The following SETD2 variants were observed in gnomAD, a reference collection of about 807,000 sequenced individuals.
SETD2 encodes SET domain containing 2, histone lysine methyltransferase.
SETD2 carries 31 observed loss-of-function variants against 242.1 expected under a neutral mutation model. That is an observed-to-expected ratio of 0.13 (90% confidence interval 0.10 to 0.17). SETD2 has a LOEUF of 0.17. Among genes scored for constraint, SETD2 ranks in the 10% least tolerant of loss-of-function variants. SETD2 has a pLI of 1.00. For synonymous variants in SETD2, 1,006 were observed against 1,066.5 expected (o/e 0.94, Z 1.11); for missense variants, 2,481 against 3,046.3 (o/e 0.81, Z 4.37).
At chr3:47,074,857 C>T (rs1044937572) in intron 12 of SETD2, among the ~76,000 whole-genome samples, 2 of 152,088 alleles carry the variant, frequency 1.3e-5, no homozygotes, top group African/African-American at 2.4e-5. Context: ...TGCAGTAGGC[C>T]GGGAACGGTG....
intron 18 of SETD2, among the ~76,000 whole-genome samples, chr3:47,021,821 G>C (rs964618632): frequency 6.6e-6 from 1 of 152,096 alleles, no homozygotes; most frequent in Non-Finnish European, 1.5e-5. Context: ...AACAACCTTA[G>C]GACCCCCCAC....
At chr3:47,099,085 A>C (rs1559717801) in intron 8 of SETD2, among the ~76,000 whole-genome samples, 1 of 152,192 alleles carries the variant, frequency 6.6e-6, no homozygotes, top group Non-Finnish European at 1.5e-5. Context: ...GATTATAATC[A>C]GATCATCAGT....
intron 1 of SETD2, among the ~76,000 whole-genome samples, chr3:47,142,215 A>T (rs2043746250): frequency 6.6e-6 from 1 of 152,198 alleles, no homozygotes; most frequent in Non-Finnish European, 1.5e-5. Context: ...CTAAAAGATC[A>T]TAATAATGGG....
chr3:47,034,318 T>C (rs1015636727), intron 18 of SETD2, among the ~76,000 whole-genome samples: 13 of 152,220 alleles, frequency 8.5e-5, no homozygotes, highest in Admixed American at 7.2e-4. Flanking sequence ...ATGTTTTCTC[T>C]TTATAATCTC....
chr3:47,113,043 A>G (rs1416808275), intron 5 of SETD2, among the ~76,000 whole-genome samples: 1 of 152,214 alleles, frequency 6.6e-6, no homozygotes, highest in Non-Finnish European at 1.5e-5. Context: ...GAAATGTTTA[A>G]TGATTATCTA....
chr3:47,032,341 C>T lies in SETD2; in HGVS notation c.7350+5325G>A, dbSNP rs58918862. On this transcript the variant is annotated intron_variant, in intron 18 of 20. Transcript: ENST00000409792. Reference sequence around the variant, plus strand: ...AGCCTGGTCACCAACACCACCAGACCCTGTCTCTACAAAAATGTACAAAAC... The same window carrying T: ...AGCCTGGTCACCAACACCACCAGACTCTGTCTCTACAAAAATGTACAAAAC... Among the ~76,000 whole-genome samples the T allele has an allele frequency of 1.9e-3, 286 of 151,712 alleles. 2 individuals are homozygous for T. The highest frequency in any genetic ancestry group is 6.6e-3 in the African/African-American group (274 of 41,352).
chr3:47,152,543 C>A (rs1392808409), intron 1 of SETD2, among the ~76,000 whole-genome samples: 3 of 152,192 alleles, frequency 2.0e-5, no homozygotes, highest in East Asian at 1.9e-4. Context: ...AAACTTTAAA[C>A]CTAGCATCTT....
chr3:47,039,981 C>T (rs2039204385), intron 17 of SETD2, among the ~76,000 whole-genome samples: 1 of 151,472 alleles, frequency 6.6e-6, no homozygotes, highest in Admixed American at 6.6e-5. Flanking sequence ...TTTATAAAAG[C>T]CTTTTTGTTT....
At chr3:47,050,187 G>A (rs2039762120) in intron 15 of SETD2, among the ~76,000 whole-genome samples, 1 of 151,466 alleles carries the variant, frequency 6.6e-6, no homozygotes, top group African/African-American at 2.4e-5. Flanking sequence ...TTATGGTGAT[G>A]GATATCTCAA....
intron 18 of SETD2, among the ~76,000 whole-genome samples, chr3:47,031,412 G>A (rs1186691921): frequency 1.3e-5 from 2 of 152,148 alleles, no homozygotes; most frequent in African/African-American, 4.8e-5. Context: ...TGCCAAAACA[G>A]AACTAAAATT....
intron 3 of SETD2, among the ~76,000 whole-genome samples, chr3:47,117,268 A>AC (rs1307493728): frequency 5.7e-5 from 8 of 140,006 alleles, no homozygotes; most frequent in Admixed American, 3.6e-4. Flanking sequence ...TACCAAAAAA[A>AC]AAAAAAAAAA....
chr3:47,096,275 G>A (rs2042002852), intron 9 of SETD2, among the ~76,000 whole-genome samples: 1 of 152,124 alleles, frequency 6.6e-6, no homozygotes, highest in South Asian at 2.1e-4. Context: ...ATCTCTCTGT[G>A]CCTTAGTGTG....
chr3:47,026,832 G>T (rs144319305), intron 18 of SETD2, among the ~76,000 whole-genome samples: 195 of 152,162 alleles, frequency 1.3e-3, no homozygotes, highest in African/African-American at 4.6e-3. Context: ...GGGAGGGATG[G>T]CATTATGAGA....
rs1167488408 is a variant in SETD2 at position 47,124,662 on chromosome 3, G to A, written c.88-114C>T. The A allele has an allele frequency of 4.4e-6, 4 of 899,736 alleles. No homozygotes were observed. The Admixed American group carries it at 9.0e-5, about 20-fold the overall frequency. 55.7% of individuals were successfully genotyped at this position (899,736 alleles called of 1,614,324 possible). On this transcript the variant is annotated intron_variant, in intron 2 of 20. Transcript: ENST00000409792. ...GAAAAGCCCTTTTTAATAACAAATA[G>A]TATGAATTTCACTAAGCTATATATA... is the stretch of plus-strand genomic sequence containing the variant.
chr3:47,111,242 T>C (rs1035626464), intron 5 of SETD2, among the ~76,000 whole-genome samples: 2 of 152,062 alleles, frequency 1.3e-5, no homozygotes, highest in Admixed American at 1.3e-4. Context: ...GTATCAACAG[T>C]GTTCAAAGGA....
Position 47,123,033 on chromosome 3 carries a change from T to C in SETD2, c.1603A>G (p.Asn535Asp), listed in dbSNP as rs778603109. The part of the protein sequence containing the change: ...EAIKRCCSPP[N>D]ELGFRRGSSY... ...GACCCTCGTCGGAATCCCAGTTCAT[T>C]AGGGGGAGAACAACATCTTTTAATT... The change falls in exon 3 of 21, where the codon AAT becomes GAT. Residue 535 changes from asparagine (N) to aspartate (D), a missense_variant. Coordinates refer to ENST00000409792, the MANE Select transcript of SETD2 (RefSeq NM_014159.7). 9 of 1,613,990 alleles carry C rather than the reference T, an allele frequency of 5.6e-6. No homozygotes were observed. The Admixed American group carries it at 6.7e-5, about 12-fold the overall frequency.
chr3:47,106,223 G>T, intron 5 of SETD2, 103 bp from the exon 6 acceptor site: 2 of 965,320 alleles, frequency 2.1e-6, no homozygotes, highest in Non-Finnish European at 3.0e-6. Context: ...ACTGCAATGT[G>T]GATAAATTCA....
intron 1 of SETD2, among the ~76,000 whole-genome samples, chr3:47,147,194 G>A (rs2043875589): frequency 6.6e-6 from 1 of 151,756 alleles, no homozygotes; most frequent in Non-Finnish European, 1.5e-5. Context: ...TGTATTTTTA[G>A]TAGAGACAGG....
chr3:47,028,611 T>A (rs138230606), intron 18 of SETD2, among the ~76,000 whole-genome samples: 196 of 152,316 alleles, frequency 1.3e-3, no homozygotes, highest in African/African-American at 4.6e-3. Context: ...TAATGGAAAG[T>A]AACAAAATTC....
Sources: gnomAD v4.1 joint callset for allele counts (sites outside exome capture counted in the v4.1 genomes callset) on GRCh38, gnomAD v4.1.1 for gene constraint, MANE v1.5 for transcripts, NCBI Gene and HGNC (gene_info 2026-07-23, HGNC 2026-07-21) for gene names.